The following LAMA1 variants were observed in gnomAD, a reference collection of about 807,000 sequenced individuals.
LAMA1 encodes the protein laminin subunit alpha-1.
Under a neutral mutation model 348.7 loss-of-function variants are expected in LAMA1, and 219 were observed. That is an observed-to-expected ratio of 0.63 (90% confidence interval 0.56 to 0.70). The LOEUF (loss-of-function observed/expected upper bound fraction) is 0.70, where lower values mean the gene tolerates loss of function less well. Ranked by LOEUF, LAMA1 falls within the 30% of genes least tolerant of loss-of-function variation. The pLI is 0.00. For synonymous variants in LAMA1, 1,487 were observed against 1,491.0 expected (o/e 1.00, Z 0.06); for missense variants, 3,744 against 3,888.0 (o/e 0.96, Z 0.99).
intron 16 of LAMA1, among the ~76,000 whole-genome samples, chr18:7,030,647 A>G (rs1259941344): frequency 2.0e-4 from 31 of 152,192 alleles, no homozygotes; most frequent in Admixed American, 2.0e-3. Flanking sequence ...TTATTTCCAA[A>G]ACATGTTTAA....
At position 7,026,049 on chromosome 18, in the gene LAMA1, C is replaced by T. The variant is rs758289965; in HGVS notation, c.2332G>A (p.Gly778Arg). The T allele has an allele frequency of 9.3e-6, 15 of 1,609,926 alleles. No individual in the cohort carries two copies. The Admixed American group carries it at 1.0e-4, about 11-fold the overall frequency. ...HCEQCLPGFY[G>R]EPSRGTPGDC... ...CCAGGTGTCCCTCGGGAAGGCTCCCCGTAGAAGCCGGGCAAGCACTGCTCA... is the reference window on the plus strand; with the variant it reads ...CCAGGTGTCCCTCGGGAAGGCTCCCTGTAGAAGCCGGGCAAGCACTGCTCA... The change falls in exon 17 of 63, where the codon GGG (glycine) becomes AGG (arginine). Residue 778 changes from glycine to arginine, a missense_variant. By Grantham distance (125) the Gly-to-Arg change is moderately radical (BLOSUM62 -2). Around this residue, in one of 3 missense-constraint regions of LAMA1, gnomAD observed 1,529 missense variants for 1,689.4 expected, o/e 0.91. Transcript: ENST00000389658.
At chr18:7,097,387 G>T (rs1478250969) in intron 1 of LAMA1, among the ~76,000 whole-genome samples, 1 of 151,920 alleles carries the variant, frequency 6.6e-6, no homozygotes, top group Admixed American at 6.6e-5. Context: ...AGATTTAAAT[G>T]AATGAAAAGA....
At chr18:7,079,881 G>A (rs2058185657) in intron 3 of LAMA1, 94 bp downstream of exon 3, 4 of 866,020 alleles carry the variant, frequency 4.6e-6, no homozygotes, top group Non-Finnish European at 7.8e-6. Flanking sequence ...GAATGTAAAT[G>A]TGTTCAGAAA....
chr18:7,031,546 T>C (rs528720224), intron 16 of LAMA1, among the ~76,000 whole-genome samples: 16 of 152,194 alleles, frequency 1.1e-4, no homozygotes, highest in African/African-American at 3.6e-4. Context: ...AAAAAAATAC[T>C]AGCATTGTCT....
intron 3 of LAMA1, among the ~76,000 whole-genome samples, chr18:7,070,244 A>G (rs1436935895): frequency 6.6e-6 from 1 of 152,218 alleles, no homozygotes; most frequent in South Asian, 2.1e-4. Context: ...GGCCAGTATG[A>G]AGTAATAGAA....
rs1279428179 is a variant in LAMA1, at chr18:7,044,470, AAAAAC to A, written c.976+247_976+251del. The stretch of plus-strand genomic sequence containing the variant: ...CTGGCATATCCCATGGTAAAAAAAC[AAAAAC>A]AAAAGTAAAATTAATACAGAATAAT... On this transcript the variant is annotated intron_variant, in intron 7 of 62. Transcript: ENST00000389658. 2.7e-4 allele frequency among the ~76,000 whole-genome samples: 41 copies of A among 152,300 alleles called. No individual in the cohort carries two copies. The South Asian group carries it at 4.1e-3, about 15-fold the overall frequency.
chr18:6,947,662 T>G (rs1412541431), intron 60 of LAMA1, among the ~76,000 whole-genome samples: 1 of 152,198 alleles, frequency 6.6e-6, no homozygotes, highest in Non-Finnish European at 1.5e-5. Flanking sequence ...CCGAGAATAG[T>G]CCACTTTATT....
At chr18:6,996,262 C>G (rs1362414497) in intron 33 of LAMA1, among the ~76,000 whole-genome samples, 1 of 152,078 alleles carries the variant, frequency 6.6e-6, no homozygotes, top group Non-Finnish European at 1.5e-5. Context: ...AAGACCACTG[C>G]AAATCAAGAC....
At position 6,977,763 on chromosome 18, in the gene LAMA1, T is replaced by C. The variant is rs1201312382; in HGVS notation, c.6309A>G (p.Lys2103=). The change falls in exon 44 of 63, where the codon AAA becomes AAG. Residue 2103 remains lysine, a synonymous_variant. Transcript: ENST00000389658. ...GTTTGCGGGCCTGGCTGATCAACAG[T>C]TTAATTTCTGATAGGTTTCTGCTCA... is the stretch of plus-strand genomic sequence containing the variant. ...ENLSRNLSEI[K]LLISQARKQA... 5.0e-6 allele frequency: 8 copies of C among 1,613,978 alleles called. No individual in the cohort carries two copies. In the African/African-American group the frequency reaches 9.3e-5, roughly 19 times the overall value.
Position 6,959,468 on chromosome 18 carries a change from C to T in LAMA1, c.7651G>A (p.Gly2551Arg), listed in dbSNP as rs1335148467. Reference protein sequence around the residue: ...HVPFFSVMLIGGNIEVHVNPG... With the variant: ...HVPFFSVMLIRGNIEVHVNPG... ...TTGACATGTACCTCAATGTTGCCTC[C>T]GATCAGCATGACGGAAAAGAAGGGC... The change falls in exon 54 of 63, where the codon GGA becomes AGA. Residue 2551 changes from glycine to arginine, a missense_variant. Physicochemically the swap from Gly to Arg is moderately radical, Grantham distance 125 (BLOSUM62 -2). Transcript: ENST00000389658. 19 of 1,614,146 alleles carry T rather than the reference C, an allele frequency of 1.2e-5. No homozygotes were observed. The highest frequency in any genetic ancestry group is 3.3e-5 in the South Asian group (3 of 91,072).
chr18:6,961,901 C>T (rs1415376143), intron 52 of LAMA1, 44 bp downstream of exon 52: 11 of 1,572,652 alleles, frequency 7.0e-6, no homozygotes, highest in Non-Finnish European at 9.6e-6. Context: ...AATCAATGGA[C>T]ACTTATGGAA....
chr18:6,986,057 C>T (rs2057733659), intron 37 of LAMA1, 80 bp downstream of exon 37: 4 of 1,519,634 alleles, frequency 2.6e-6, no homozygotes, highest in Non-Finnish European at 1.8e-6. Flanking sequence ...CCAGCCAGGC[C>T]AGGGCTCACT....
chr18:7,056,825 G>A (rs2143738360), intron 3 of LAMA1, among the ~76,000 whole-genome samples: 1 of 152,174 alleles, frequency 6.6e-6, no homozygotes, highest in South Asian at 2.1e-4. Flanking sequence ...AGCACTTACT[G>A]TGGCCAGTAC....
chr18:6,993,877 G>C, intron 34 of LAMA1, 125 bp from the exon 35 acceptor site: 1 of 716,652 alleles, frequency 1.4e-6, no homozygotes, highest in Non-Finnish European at 2.6e-6. Context: ...CCAGAATATA[G>C]AGTAAAGATG....
intron 3 of LAMA1, chr18:7,079,549 T>G (rs1415813072): frequency 4.0e-6 from 1 of 252,326 alleles, no homozygotes; most frequent in Non-Finnish European, 7.5e-6. Context: ...CGTTTTGTCT[T>G]TTTTTCTTCT....
chr18:7,036,241 G>A (rs1050682026), intron 12 of LAMA1, among the ~76,000 whole-genome samples, 153 bp from the exon 13 acceptor site: 1 of 152,224 alleles, frequency 6.6e-6, no homozygotes, highest in African/African-American at 2.4e-5. Flanking sequence ...ATTAAAGGCA[G>A]TGAAAGGGGA....
intron 1 of LAMA1, among the ~76,000 whole-genome samples, chr18:7,115,692 C>G (rs1306641007): frequency 3.3e-5 from 5 of 150,876 alleles, no homozygotes; most frequent in Non-Finnish European, 5.9e-5. Flanking sequence ...AAAATCAGGC[C>G]GGGCGCGGCG....
chr18:6,994,647 T>C (rs75640324), intron 34 of LAMA1, among the ~76,000 whole-genome samples: 8,792 of 151,614 alleles, frequency 0.058, 478 homozygotes, highest in African/African-American at 0.14. Context: ...GACATCCATA[T>C]GTATAGATAC....
intron 42 of LAMA1, among the ~76,000 whole-genome samples, chr18:6,979,578 T>C (rs1348260287): frequency 6.6e-6 from 1 of 152,170 alleles, no homozygotes; most frequent in African/African-American, 2.4e-5. Flanking sequence ...CACGATTCAT[T>C]TGTATTACAC....
Sources: allele counts gnomAD v4.1 joint callset (sites outside exome capture counted in the v4.1 genomes callset), GRCh38; gene constraint gnomAD v4.1.1; regional missense constraint gnomAD v4.1.1; transcripts MANE v1.5; gene names NCBI Gene and HGNC (gene_info 2026-07-23, HGNC 2026-07-21).